The following MALRD1 variants were observed in gnomAD, a reference collection of about 807,000 sequenced individuals.
MALRD1 encodes the protein MAM and LDL receptor class A domain containing 1, also known as MAM and LDL-receptor class A domain-containing protein 1.
Under a neutral mutation model 242.1 loss-of-function variants are expected in MALRD1, and 247 were observed. The ratio of observed to expected loss-of-function variants is 1.02; its 90% CI spans 0.92 to 1.13. The LOEUF is 1.13. MALRD1 is among the 50% of genes most tolerant of loss of function. The pLI is 0.00. For synonymous variants in MALRD1, 995 were observed against 866.6 expected (o/e 1.15, Z -2.60); for missense variants, 2,989 against 2,533.1 (o/e 1.18, Z -3.86).
intron 29 of MALRD1, among the ~76,000 whole-genome samples, chr10:19,462,161 T>C (rs1205076190): frequency 6.6e-6 from 1 of 152,236 alleles, no homozygotes; most frequent in Non-Finnish European, 1.5e-5. Context: ...TGTATTCTGA[T>C]GCTTCCTAGC....
At position 19,080,637 on chromosome 10, in the gene MALRD1, A is replaced by G. The variant is rs377467197; in HGVS notation, c.341-7203A>G. Among the ~76,000 whole-genome samples the G allele has an allele frequency of 1.6e-4, 24 of 152,222 alleles. No homozygotes were observed. In the South Asian group the frequency reaches 2.3e-3, roughly 14 times the overall value. On this transcript the variant is annotated intron_variant, in intron 2 of 39. Transcript: ENST00000454679. ...TTAATTCAAGATGGACTAAAGACTTACATGTAAAACCTAAAACTATAAACA... is the reference window on the plus strand; with the variant it reads ...TTAATTCAAGATGGACTAAAGACTTGCATGTAAAACCTAAAACTATAAACA...
intron 6 of MALRD1, among the ~76,000 whole-genome samples, chr10:19,124,043 C>CAAA (rs71387044): frequency 6.9e-5 from 6 of 87,254 alleles, no homozygotes; most frequent in South Asian, 7.0e-4. Flanking sequence ...TCATCTCTAC[C>CAAA]AAAAAAAAAA....
intron 27 of MALRD1, among the ~76,000 whole-genome samples, chr10:19,388,881 G>GAA (rs11405183): frequency 0.012 from 1,368 of 117,084 alleles, 63 homozygotes; most frequent in East Asian, 0.03. Flanking sequence ...TAGGTCTACT[G>GAA]AAAAAAAAAA....
chr10:19,240,639 T>G (rs1388383214), intron 18 of MALRD1, among the ~76,000 whole-genome samples: 1 of 152,056 alleles, frequency 6.6e-6, no homozygotes, highest in East Asian at 1.9e-4. Context: ...ATCCTTGTCT[T>G]CCTCCATATC....
chr10:19,512,957 A>C lies in MALRD1; in HGVS notation c.5320+14311A>C, dbSNP rs181375450. Among the ~76,000 whole-genome samples, 11 of 152,282 alleles carry C rather than the reference A, an allele frequency of 7.2e-5. No homozygotes were observed. The South Asian group carries it at 2.3e-3, about 32-fold the overall frequency. On this transcript the variant is annotated intron_variant, in intron 31 of 39. Transcript: ENST00000454679. Reference sequence around the variant, plus strand: ...GGTCCTCCATGGGTGTACAATTAACATCGAATTTACTTAATTTTAAATAAC... The same window carrying C: ...GGTCCTCCATGGGTGTACAATTAACCTCGAATTTACTTAATTTTAAATAAC...
intron 33 of MALRD1, among the ~76,000 whole-genome samples, chr10:19,586,035 G>T (rs954100400): frequency 2.0e-5 from 3 of 152,100 alleles, no homozygotes; most frequent in African/African-American, 7.2e-5. Context: ...TGAGGCTTCT[G>T]CATTCTTCAC....
intron 31 of MALRD1, among the ~76,000 whole-genome samples, chr10:19,525,190 C>T (rs1834052301): frequency 6.6e-6 from 1 of 151,754 alleles, no homozygotes; most frequent in Non-Finnish European, 1.5e-5. Context: ...GCTGAGATTA[C>T]AGGCGTGAGC....
chr10:19,722,619 A>AAAAAAAAAAAAAAAAAAAAAAAG (rs57292963), intron 38 of MALRD1: 1 of 144,480 alleles, frequency 6.9e-6, no homozygotes, highest in Admixed American at 7.0e-5. Context: ...AAAAAAAAAA[A>AAAAAAAAAAAAAAAAAAAAAAAG]GGTGGAAAAA....
At chr10:19,543,433 C>CTATTTTTTTTTTTTTTT (rs778674889) in intron 32 of MALRD1, among the ~76,000 whole-genome samples, 5 of 106,406 alleles carry the variant, frequency 4.7e-5, no homozygotes, top group African/African-American at 1.7e-4. Context: ...CAGCTGATTT[C>CTATTTTTTTTTTTTTTT]TTTTTTTTTT....
At chr10:19,539,075 G>A (rs1834812409) in intron 32 of MALRD1, among the ~76,000 whole-genome samples, 1 of 152,140 alleles carries the variant, frequency 6.6e-6, no homozygotes, top group African/African-American at 2.4e-5. Flanking sequence ...TAGGAAGATA[G>A]TAAAAGCAGA....
intron 26 of MALRD1, among the ~76,000 whole-genome samples, chr10:19,358,283 G>C (rs1376271618): frequency 6.6e-6 from 1 of 150,954 alleles, no homozygotes; most frequent in Non-Finnish European, 1.5e-5. Context: ...CAATACATCT[G>C]TTTTGGGATA....
At chr10:19,707,267 G>A (rs958118502) in intron 38 of MALRD1, among the ~76,000 whole-genome samples, 1 of 151,170 alleles carries the variant, frequency 6.6e-6, no homozygotes, top group African/African-American at 2.4e-5. Flanking sequence ...GCTTAAGGTG[G>A]TAACAGGCCT....
intron 2 of MALRD1, among the ~76,000 whole-genome samples, chr10:19,085,831 A>AT (rs1835651585): frequency 6.6e-6 from 1 of 151,928 alleles, no homozygotes; most frequent in Non-Finnish European, 1.5e-5. Context: ...AATAAAAATA[A>AT]TTTTTCTGTT....
rs1233848384 is a variant in MALRD1 at position 19,387,559 on chromosome 10, TA to T, written c.4475del (p.Asn1492MetfsTer14). On this transcript the variant is annotated frameshift_variant, in exon 27 of 40. Transcript: ENST00000454679. LOFTEE classifies it high-confidence loss of function. ...FCPLGYRECH[N>X]GKCYRLEQSC... ...GCCCACTTGGCTATAGGGAATGTCATAATGGAAAATGCTATAGGCTGGAACA... is the reference window on the plus strand; with the variant it reads ...GCCCACTTGGCTATAGGGAATGTCATATGGAAAATGCTATAGGCTGGAACA... The T allele has an allele frequency of 1.3e-6, 2 of 1,550,426 alleles. No homozygotes were observed. The highest frequency in any genetic ancestry group is 8.7e-7 in the Non-Finnish European group (1 of 1,146,856).
At chr10:19,711,795 A>G (rs1300010555) in intron 38 of MALRD1, among the ~76,000 whole-genome samples, 1 of 152,238 alleles carries the variant, frequency 6.6e-6, no homozygotes, top group Non-Finnish European at 1.5e-5. Context: ...TTGCCAGGGA[A>G]GAAGGTTTTA....
intron 18 of MALRD1, among the ~76,000 whole-genome samples, chr10:19,249,314 G>A (rs1361829611): frequency 6.6e-6 from 1 of 151,798 alleles, no homozygotes; most frequent in Non-Finnish European, 1.5e-5. Flanking sequence ...GCCATGTAAG[G>A]AAGAGAAAGA....
intron 32 of MALRD1, among the ~76,000 whole-genome samples, chr10:19,535,294 A>G (rs1346054047): frequency 1.3e-5 from 2 of 152,156 alleles, no homozygotes; most frequent in African/African-American, 2.4e-5. Context: ...GAAACACTGT[A>G]GAACAATTAA....
intron 18 of MALRD1, among the ~76,000 whole-genome samples, chr10:19,217,625 C>G (rs1166773175): frequency 1.3e-5 from 2 of 151,284 alleles, no homozygotes; most frequent in African/African-American, 4.9e-5. Flanking sequence ...CTTCACCTCC[C>G]AGGTTCAACT....
intron 19 of MALRD1, among the ~76,000 whole-genome samples, chr10:19,266,093 T>C (rs1367936362): frequency 6.6e-6 from 1 of 151,900 alleles, no homozygotes; most frequent in East Asian, 1.9e-4. Flanking sequence ...TTTTAGTATA[T>C]CTGTGTCCTC....
Sources: allele counts gnomAD v4.1 joint callset (sites outside exome capture counted in the v4.1 genomes callset), GRCh38; gene constraint gnomAD v4.1.1; transcripts MANE v1.5; gene names NCBI Gene and HGNC (gene_info 2026-07-23, HGNC 2026-07-21).